HIVEP3: variants seen among roughly 807,000 people sequenced by gnomAD.
The protein encoded by HIVEP3 is transcription factor HIVEP3.
In HIVEP3, 49 loss-of-function variants were observed where a neutral mutation model predicts 152.8. The ratio of observed to expected loss-of-function variants is 0.32; its 90% CI spans 0.26 to 0.41. The LOEUF is 0.41. Ranked by LOEUF, HIVEP3 falls within the 10% of genes least tolerant of loss-of-function variation. HIVEP3 has a pLI of 1.00. For synonymous variants in HIVEP3, 1,269 were observed against 1,289.0 expected (o/e 0.98, Z 0.33); for missense variants, 2,790 against 3,103.3 (o/e 0.90, Z 2.40).
rs1644558435 is a variant in HIVEP3 at position 41,897,949 on chromosome 1, G to C, written c.-801+20464C>G. 2.1e-5 allele frequency among the ~76,000 whole-genome samples: 3 copies of C among 140,654 alleles called. 1 individual carries two copies. Among genetic ancestry groups the C allele is most frequent in the African/African-American group, 9.2e-5 (3 of 32,444 alleles). 92.3% of individuals were successfully genotyped at this position (140,654 alleles called of 152,430 possible). On this transcript the variant is annotated intron_variant, in intron 1 of 8. Transcript: ENST00000372583. ...GACCTGAGAGAGAGGGAGAGAGAGAGAGAGAGAGAGAGAGAGAGAGAGAGA... is the reference window on the plus strand; with the variant it reads ...GACCTGAGAGAGAGGGAGAGAGAGACAGAGAGAGAGAGAGAGAGAGAGAGA...
At chr1:41,608,551 C>T (rs1644853500) in intron 3 of HIVEP3, among the ~76,000 whole-genome samples, 1 of 152,186 alleles carries the variant, frequency 6.6e-6, no homozygotes, top group African/African-American at 2.4e-5. Context: ...CACTGCTAAC[C>T]CATTCCTTTT....
chr1:41,580,062 C>T lies in HIVEP3; in HGVS notation c.4736G>A (p.Arg1579Lys). The T allele has an allele frequency of 6.2e-7, 1 of 1,614,194 alleles. No homozygotes were observed. Among genetic ancestry groups the T allele is most frequent in the Non-Finnish European group, 8.5e-7 (1 of 1,180,042 alleles). ...SSLPLSETSSRPAKSQEGTDS... is the reference protein window; with the variant it reads ...SSLPLSETSSKPAKSQEGTDS... ...CGTACCTTCTTGTGACTTGGCTGGT[C>T]TGGAGGACGTTTCTGACAGAGGCAG... Residue 1579 changes from arginine (R) to lysine (K), a missense_variant, in exon 4 of 9, where the codon AGA becomes AAA. By Grantham distance (26) the Arg-to-Lys change is conservative. Coordinates refer to ENST00000372583, the MANE Select transcript of HIVEP3 (RefSeq NM_024503.5).
chr1:41,565,394 T>C (rs1570359), intron 5 of HIVEP3, among the ~76,000 whole-genome samples: 53,592 of 145,366 alleles, frequency 0.37, 9,671 homozygotes, highest in East Asian at 0.53. Context: ...TGGTGACCGG[T>C]GGGTGGGTGG....
At chr1:41,646,001 A>C (rs529300435) in intron 2 of HIVEP3, among the ~76,000 whole-genome samples, 12 of 152,250 alleles carry the variant, frequency 7.9e-5, no homozygotes, top group African/African-American at 2.9e-4. Flanking sequence ...CACCTCACCC[A>C]TCATGACCTG....
At chr1:41,738,744 C>A (rs1646953903) in intron 1 of HIVEP3, among the ~76,000 whole-genome samples, 1 of 152,202 alleles carries the variant, frequency 6.6e-6, no homozygotes, top group Non-Finnish European at 1.5e-5. Flanking sequence ...CATGCCTTAG[C>A]TTCTTCACCA....
chr1:41,722,853 CATGTGCAT>C (rs1177855982), intron 1 of HIVEP3, among the ~76,000 whole-genome samples: 1 of 151,944 alleles, frequency 6.6e-6, no homozygotes. Flanking sequence ...AGTGTGCATG[CATGTGCAT>C]ATGTGTATGT....
chr1:41,692,273 C>T (rs542735619), intron 2 of HIVEP3, among the ~76,000 whole-genome samples: 4 of 152,304 alleles, frequency 2.6e-5, no homozygotes, highest in South Asian at 4.1e-4. Flanking sequence ...GGACAGTTTT[C>T]GCAGTTTTGC....
chr1:41,634,930 T>C (rs1645247337), intron 2 of HIVEP3, among the ~76,000 whole-genome samples: 2 of 152,192 alleles, frequency 1.3e-5, no homozygotes, highest in South Asian at 2.1e-4. Flanking sequence ...TTTGGTGGTA[T>C]AAGTAACCTC....
intron 2 of HIVEP3, among the ~76,000 whole-genome samples, chr1:41,699,590 T>C (rs979313224): frequency 1.1e-4 from 17 of 152,058 alleles, no homozygotes; most frequent in Non-Finnish European, 2.4e-4. Context: ...GAGTGGGAAC[T>C]GGAAGAGCAG....
chr1:41,829,830 TTCTC>T (rs1214645210), intron 1 of HIVEP3, among the ~76,000 whole-genome samples: 1 of 152,102 alleles, frequency 6.6e-6, no homozygotes, highest in Non-Finnish European at 1.5e-5. Context: ...ATTCTTAACT[TTCTC>T]TTATAATTTC....
chr1:42,032,121 A>T (rs1283901029), intron 1 of HIVEP3, among the ~76,000 whole-genome samples: 1 of 152,158 alleles, frequency 6.6e-6, no homozygotes, highest in Non-Finnish European at 1.5e-5. Context: ...TCTCCCTACA[A>T]AATCAGAAAA....
chr1:41,895,800 G>A (rs1396437241), intron 1 of HIVEP3, among the ~76,000 whole-genome samples: 1 of 152,094 alleles, frequency 6.6e-6, no homozygotes, highest in Non-Finnish European at 1.5e-5. Context: ...ACATTTATTT[G>A]CTTTATATTA....
chr1:41,548,541 G>GTT (rs11349352), intron 5 of HIVEP3, among the ~76,000 whole-genome samples: 1 of 148,324 alleles, frequency 6.7e-6, no homozygotes, highest in Non-Finnish European at 1.5e-5. Context: ...TTTTGGGTTT[G>GTT]TTTTTTTTTT....
chr1:41,758,056 T>C (rs538391566), intron 1 of HIVEP3, among the ~76,000 whole-genome samples: 2 of 152,270 alleles, frequency 1.3e-5, no homozygotes, highest in South Asian at 2.1e-4. Context: ...TTATGGAATA[T>C]ATATTTTTGA....
At chr1:41,712,255 C>T (rs925182066) in intron 1 of HIVEP3, among the ~76,000 whole-genome samples, 2 of 152,216 alleles carry the variant, frequency 1.3e-5, no homozygotes, top group African/African-American at 2.4e-5. Flanking sequence ...AGGAACAGGG[C>T]CATGGTGATA....
At chr1:41,731,789 C>A (rs1471728213) in intron 1 of HIVEP3, among the ~76,000 whole-genome samples, 1 of 152,250 alleles carries the variant, frequency 6.6e-6, no homozygotes, top group Non-Finnish European at 1.5e-5. Flanking sequence ...TTGACTGCAA[C>A]CTCATGACAG....
chr1:41,941,114 G>A (rs781019994), intron 1 of HIVEP3, among the ~76,000 whole-genome samples: 6 of 152,138 alleles, frequency 3.9e-5, no homozygotes, highest in Non-Finnish European at 8.8e-5. Context: ...TGAGTTAGAG[G>A]CCAGGCTGAA....
chr1:41,566,393 G>T (rs750350414), intron 5 of HIVEP3, among the ~76,000 whole-genome samples: 2 of 152,050 alleles, frequency 1.3e-5, no homozygotes, highest in Non-Finnish European at 2.9e-5. Flanking sequence ...GGTCCCCAGG[G>T]CTTTGCTCCT....
chr1:42,030,638 TA>T (rs951871270), intron 1 of HIVEP3, among the ~76,000 whole-genome samples: 18 of 152,310 alleles, frequency 1.2e-4, no homozygotes, highest in Middle Eastern at 3.4e-3. Context: ...GTGGCTCTTA[TA>T]ATCACACATG....
Sources: allele counts gnomAD v4.1 joint callset (sites outside exome capture counted in the v4.1 genomes callset), GRCh38; gene constraint gnomAD v4.1.1; transcripts MANE v1.5; gene names NCBI Gene and HGNC (gene_info 2026-07-23, HGNC 2026-07-21).